The following TPP2 variants were observed in gnomAD, a reference collection of about 807,000 sequenced individuals.
TPP2 encodes the protein tripeptidyl-peptidase 2.
Under a neutral mutation model 155.9 loss-of-function variants are expected in TPP2, and 34 were observed. That is an observed-to-expected ratio of 0.22 (90% CI 0.17 to 0.29). TPP2 has a LOEUF of 0.29. Among genes scored for constraint, TPP2 ranks in the 10% least tolerant of loss-of-function variants. TPP2 has a pLI of 1.00. For missense variants in TPP2, 1,028 were observed against 1,522.3 expected, an observed-to-expected ratio of 0.68 and a Z score of 5.40; for synonymous variants, 510 against 529.4, an observed-to-expected ratio of 0.96 and a Z score of 0.50.
rs577916997 is a variant in TPP2 at position 102,604,315 on chromosome 13, T to G, written c.166-478T>G. 2.2e-3 allele frequency among the ~76,000 whole-genome samples: 335 copies of G among 152,350 alleles called. 2 individuals are homozygous for G. The highest frequency in any genetic ancestry group is 3.4e-3 in the Non-Finnish European group (232 of 68,030). ...GGCCTTCCTTGACCAGCCAAACTTATGTTGAAAACCCCACACTGACCATCT... is the reference window on the plus strand; with the variant it reads ...GGCCTTCCTTGACCAGCCAAACTTAGGTTGAAAACCCCACACTGACCATCT... On this transcript the variant is annotated intron_variant, in intron 1 of 29. Transcript: ENST00000376052.
intron 7 of TPP2, 43 bp downstream of exon 7, chr13:102,627,209 T>C: frequency 6.6e-7 from 1 of 1,507,528 alleles, no homozygotes; most frequent in Non-Finnish European, 8.9e-7. Flanking sequence ...TAATGATTAA[T>C]GATCTTGGAT....
chr13:102,652,397 C>CCTAT (rs1883559892), intron 24 of TPP2, among the ~76,000 whole-genome samples: 1 of 125,490 alleles, frequency 8.0e-6, no homozygotes, highest in Non-Finnish European at 1.8e-5. Flanking sequence ...AACATACATA[C>CCTAT]ATATATATAT....
intron 5 of TPP2, among the ~76,000 whole-genome samples, chr13:102,619,906 C>T (rs16960248): frequency 0.081 from 12,277 of 152,186 alleles, 683 homozygotes; most frequent in African/African-American, 0.16. Flanking sequence ...TAACATGATA[C>T]AGTCACACTC....
At chr13:102,641,793 T>G (rs994123321) in intron 16 of TPP2, among the ~76,000 whole-genome samples, 6 of 152,186 alleles carry the variant, frequency 3.9e-5, no homozygotes, top group African/African-American at 1.4e-4. Context: ...AATGGAGCTA[T>G]TGCAGCAGTG....
chr13:102,597,141 G>T lies in TPP2; in HGVS notation c.103G>T (p.Gly35Trp). The T allele has an allele frequency of 6.2e-7, 1 of 1,609,478 alleles. No individual in the cohort carries two copies. ...SFLCRYPEYD[G>W]RGVLIAVLDT... The stretch of plus-strand genomic sequence containing the variant: ...CCTCTGCCGCTACCCGGAGTATGAT[G>T]GGCGGGGGGTGCTCATCGCAGTCCT... The change falls in exon 1 of 30, where the codon GGG becomes TGG. Residue 35 changes from glycine (G) to tryptophan (W), a missense_variant. Coordinates refer to ENST00000376052, the MANE Select transcript of TPP2 (RefSeq NM_001330588.2).
At chr13:102,676,081 G>C (rs1027560660) in intron 28 of TPP2, among the ~76,000 whole-genome samples, 1 of 151,966 alleles carries the variant, frequency 6.6e-6, no homozygotes, top group Non-Finnish European at 1.5e-5. Flanking sequence ...TCTCATATTA[G>C]TTTTCTTCCC....
intron 29 of TPP2, 124 bp downstream of exon 29, chr13:102,676,539 A>G (rs1885290617): frequency 8.8e-7 from 1 of 1,135,898 alleles, no homozygotes; most frequent in African/African-American, 1.6e-5. Context: ...TTATTACAGT[A>G]ATTAGCGTAA....
At chr13:102,610,091 A>G (rs753880692) in intron 2 of TPP2, among the ~76,000 whole-genome samples, 5 of 152,222 alleles carry the variant, frequency 3.3e-5, no homozygotes, top group Admixed American at 1.3e-4. Flanking sequence ...GCAGTAGTCA[A>G]TAAAAGGAAG....
chr13:102,615,547 G>A (rs9557892), intron 3 of TPP2, among the ~76,000 whole-genome samples: 37,950 of 152,116 alleles, frequency 0.25, 5,313 homozygotes, highest in East Asian at 0.45. Flanking sequence ...CTTTAGCTGC[G>A]TTGGGAGTTA....
intron 27 of TPP2, among the ~76,000 whole-genome samples, chr13:102,667,552 GCTGA>G (rs1884690603): frequency 1.3e-5 from 2 of 152,186 alleles, no homozygotes; most frequent in African/African-American, 4.8e-5. Context: ...AGAAAGAAAA[GCTGA>G]CTTTCACCTG....
chr13:102,670,172 G>C (rs1406724595), intron 27 of TPP2, among the ~76,000 whole-genome samples: 1 of 17,784 alleles, frequency 5.6e-5, no homozygotes, highest in Non-Finnish European at 1.5e-4. Flanking sequence ...TATTGTGGGT[G>C]GGGGGGTGTG....
At chr13:102,650,980 A>G (rs1470695608) in intron 23 of TPP2, among the ~76,000 whole-genome samples, 1 of 152,148 alleles carries the variant, frequency 6.6e-6, no homozygotes, top group East Asian at 1.9e-4. Flanking sequence ...TTTGACTTTC[A>G]CAGTAACTTT....
At chr13:102,621,581 T>G (rs1205954971) in intron 5 of TPP2, among the ~76,000 whole-genome samples, 9 of 151,498 alleles carry the variant, frequency 5.9e-5, no homozygotes, top group Non-Finnish European at 1.5e-5. Context: ...GTGAGGGAGG[T>G]GAGCAGATGA....
intron 10 of TPP2, chr13:102,631,668 G>GA (rs1381230351): frequency 6.6e-5 from 10 of 152,212 alleles, no homozygotes; most frequent in African/African-American, 2.4e-4. Context: ...AGGAGTTCAT[G>GA]AATTATGGGG....
At chr13:102,597,608 C>T (rs1206611292) in intron 1 of TPP2, among the ~76,000 whole-genome samples, 1 of 152,258 alleles carries the variant, frequency 6.6e-6, no homozygotes, top group African/African-American at 2.4e-5. Context: ...CCTCTGCCTA[C>T]CCCTCGTGCC....
intron 6 of TPP2, among the ~76,000 whole-genome samples, chr13:102,625,870 G>A (rs1881584194): frequency 2.0e-5 from 3 of 152,130 alleles, no homozygotes; most frequent in Non-Finnish European, 4.4e-5. Context: ...CATTGTGCTT[G>A]TATTATTGTT....
chr13:102,641,328 A>T (rs771308056), intron 16 of TPP2, among the ~76,000 whole-genome samples: 2 of 152,170 alleles, frequency 1.3e-5, no homozygotes, highest in Non-Finnish European at 2.9e-5. Context: ...AGTGTCACCC[A>T]ATTTAAATTA....
At chr13:102,636,537 G>C (rs1187254914) in intron 13 of TPP2, 145 bp downstream of exon 13, 1 of 1,103,186 alleles carries the variant, frequency 9.1e-7, no homozygotes, top group Non-Finnish European at 1.2e-6. Flanking sequence ...TTAGTCATAA[G>C]AGAAAATATT....
chr13:102,644,694 A>G (rs780930710), intron 18 of TPP2, 21 bp downstream of exon 18: 2 of 1,566,998 alleles, frequency 1.3e-6, no homozygotes, highest in African/African-American at 1.4e-5. Context: ...CAACATTTTC[A>G]TGATTTTTAA....
Sources: allele counts gnomAD v4.1 joint callset (sites outside exome capture counted in the v4.1 genomes callset), GRCh38; gene constraint gnomAD v4.1.1; transcripts MANE v1.5; gene names NCBI Gene and HGNC (gene_info 2026-07-23, HGNC 2026-07-21).